The following CDH18 variants were observed in gnomAD, a reference collection of about 807,000 sequenced individuals.
CDH18 encodes cadherin-18.
Under a neutral mutation model 67.9 loss-of-function variants are expected in CDH18, and 31 were observed. That is an observed-to-expected ratio of 0.46 (90% CI 0.34 to 0.62). The LOEUF (loss-of-function observed/expected upper bound fraction) is 0.62. Among genes scored for constraint, CDH18 ranks in the 20% least tolerant of loss-of-function variants. CDH18 has a pLI of 0.01. For synonymous variants in CDH18, 362 were observed against 347.2 expected, an observed-to-expected ratio of 1.04 and a Z score of -0.48; for missense variants, 890 against 975.5, an observed-to-expected ratio of 0.91 and a Z score of 1.17.
intron 2 of CDH18, among the ~76,000 whole-genome samples, chr5:20,140,114 T>C (rs1430935256): frequency 6.6e-6 from 1 of 152,158 alleles, no homozygotes; most frequent in Non-Finnish European, 1.5e-5. Context: ...GTGGCACATA[T>C]ACACTATGGA....
intron 8 of CDH18, among the ~76,000 whole-genome samples, chr5:19,556,153 A>G (rs1049476404): frequency 2.0e-5 from 3 of 152,222 alleles, no homozygotes; most frequent in Non-Finnish European, 2.9e-5. Flanking sequence ...TCCCTCTGAC[A>G]TAGTCTACCC....
chr5:20,529,992 T>A lies in CDH18; in HGVS notation c.-580+45470A>T, dbSNP rs545392800. ...CATGATCCTCTATCTAGAAAATCCA[T>A]TGACTCAGGCCAAAAGCTTCTTAAG... On this transcript the variant is annotated intron_variant, in intron 1 of 14. Transcript: ENST00000507958. Among the ~76,000 whole-genome samples, 4 of 152,096 alleles carry A rather than the reference T, an allele frequency of 2.6e-5. No individual in the cohort carries two copies. The East Asian group carries it at 7.7e-4, about 29-fold the overall frequency.
intron 2 of CDH18, among the ~76,000 whole-genome samples, chr5:20,157,792 C>A (rs898630419): frequency 6.6e-6 from 1 of 151,968 alleles, no homozygotes; most frequent in African/African-American, 2.4e-5. Context: ...CAGGCCCACA[C>A]CACCACACCC....
intron 2 of CDH18, among the ~76,000 whole-genome samples, chr5:19,971,518 A>G: frequency 6.6e-6 from 1 of 152,218 alleles, no homozygotes; most frequent in East Asian, 1.9e-4. Context: ...CATTTGCGAA[A>G]CTTGGTACAT....
intron 2 of CDH18, among the ~76,000 whole-genome samples, chr5:20,206,754 T>A (rs1185491003): frequency 6.6e-6 from 1 of 151,954 alleles, no homozygotes; most frequent in Non-Finnish European, 1.5e-5. Context: ...AAAAGCCATA[T>A]GATATCAATA....
At chr5:19,478,286 A>C (rs145993151) in intron 12 of CDH18, among the ~76,000 whole-genome samples, 1 of 152,236 alleles carries the variant, frequency 6.6e-6, no homozygotes, top group Non-Finnish European at 1.5e-5. Context: ...AGAATTTTTT[A>C]AACCTCAAAT....
intron 1 of CDH18, among the ~76,000 whole-genome samples, chr5:20,504,712 T>A (rs1349721040): frequency 6.9e-6 from 1 of 145,782 alleles, no homozygotes. Context: ...TTAAACTTAA[T>A]AAAAAATAAA....
At chr5:19,608,835 G>T (rs1748497495) in intron 6 of CDH18, among the ~76,000 whole-genome samples, 1 of 151,830 alleles carries the variant, frequency 6.6e-6, no homozygotes, top group African/African-American at 2.4e-5. Flanking sequence ...GGAGGATCAA[G>T]CCCTAAAGGT....
At chr5:20,368,518 A>G (rs575465834) in intron 1 of CDH18, among the ~76,000 whole-genome samples, 27 of 152,316 alleles carry the variant, frequency 1.8e-4, no homozygotes, top group Admixed American at 1.2e-3. Context: ...GACACCATTG[A>G]CAGAGAAATG....
At chr5:19,515,487 T>C (rs1745836048) in intron 10 of CDH18, among the ~76,000 whole-genome samples, 2 of 152,212 alleles carry the variant, frequency 1.3e-5, no homozygotes, top group Non-Finnish European at 2.9e-5. Context: ...GAGCATGGAA[T>C]GTTCTTCTAT....
chr5:19,609,497 CTAGAG>C (rs1429680552), intron 6 of CDH18, among the ~76,000 whole-genome samples: 1 of 151,898 alleles, frequency 6.6e-6, no homozygotes, highest in South Asian at 2.1e-4. Context: ...TTGTAACTCT[CTAGAG>C]TAGAGACATT....
intron 1 of CDH18, among the ~76,000 whole-genome samples, chr5:20,408,220 A>T (rs57159824): frequency 0.048 from 7,246 of 152,150 alleles, 465 homozygotes; most frequent in African/African-American, 0.15. Context: ...GGTGAGGGAG[A>T]TCATCACCAC....
intron 3 of CDH18, among the ~76,000 whole-genome samples, chr5:19,831,060 A>G (rs1001339246): frequency 6.6e-6 from 1 of 152,132 alleles, no homozygotes; most frequent in African/African-American, 2.4e-5. Context: ...AAGGAGGATG[A>G]GGATTGAAAA....
intron 1 of CDH18, among the ~76,000 whole-genome samples, chr5:20,534,767 A>G (rs1756616203): frequency 6.6e-6 from 1 of 152,054 alleles, no homozygotes; most frequent in African/African-American, 2.4e-5. Flanking sequence ...CTGAACATCA[A>G]AATTATTTAG....
chr5:19,804,724 C>T (rs1351923551), intron 3 of CDH18, among the ~76,000 whole-genome samples: 1 of 151,906 alleles, frequency 6.6e-6, no homozygotes, highest in Non-Finnish European at 1.5e-5. Context: ...TTTCACATGC[C>T]CTGGATTATT....
At chr5:20,030,730 G>T (rs561416364) in intron 2 of CDH18, among the ~76,000 whole-genome samples, 1 of 152,116 alleles carries the variant, frequency 6.6e-6, no homozygotes, top group Non-Finnish European at 1.5e-5. Flanking sequence ...CCCAATGAAG[G>T]TTGTATAATA....
At chr5:20,279,416 A>C (rs754225493) in intron 1 of CDH18, among the ~76,000 whole-genome samples, 1 of 151,976 alleles carries the variant, frequency 6.6e-6, no homozygotes, top group Non-Finnish European at 1.5e-5. Context: ...ATACTATAAG[A>C]GGCTGGGCAC....
chr5:19,834,463 T>C (rs200403864), intron 3 of CDH18, among the ~76,000 whole-genome samples: 183 of 148,550 alleles, frequency 1.2e-3, no homozygotes, highest in East Asian at 3.1e-3. Flanking sequence ...TTAATTTTTT[T>C]CAAAAAAAAC....
At chr5:19,980,975 C>T (rs1217389537) in intron 2 of CDH18, 85 bp downstream of exon 2, 1 of 152,136 alleles carries the variant, frequency 6.6e-6, no homozygotes, top group Non-Finnish European at 1.5e-5. Context: ...TTTATCCTTT[C>T]ACATCACTTT....
Sources: allele counts gnomAD v4.1 joint callset (sites outside exome capture counted in the v4.1 genomes callset), GRCh38; gene constraint gnomAD v4.1.1; transcripts MANE v1.5; gene names NCBI Gene and HGNC (gene_info 2026-07-23, HGNC 2026-07-21).